Variants in CS observed in about 807,000 individuals in gnomAD.
The protein encoded by CS is citrate synthase, also known as citrate synthase, mitochondrial.
In CS, 13 loss-of-function variants were observed where a neutral mutation model predicts 61.4. The observed-to-expected ratio is 0.21, with a 90% CI of 0.14 to 0.34. The LOEUF (loss-of-function observed/expected upper bound fraction) is 0.34, where lower values mean the gene tolerates loss of function less well. Among genes scored for constraint, CS ranks in the 10% least tolerant of loss-of-function variants. CS has a pLI of 1.00. For missense variants in CS, 278 were observed against 573.4 expected (o/e 0.48, Z 5.26); for synonymous variants, 159 against 215.2 (o/e 0.74, Z 2.29).
intron 1 of CS, among the ~76,000 whole-genome samples, chr12:56,294,304 T>A (rs756994000): frequency 6.6e-6 from 1 of 151,632 alleles, no homozygotes; most frequent in Non-Finnish European, 1.5e-5. Context: ...TGAAACCCTG[T>A]CTCTACTAAA....
chr12:56,277,062 G>A (rs1287425711), intron 6 of CS, among the ~76,000 whole-genome samples: 6 of 151,992 alleles, frequency 3.9e-5, no homozygotes, highest in Non-Finnish European at 5.9e-5. Flanking sequence ...TCAGCCAGGC[G>A]TGGTGTGGGC....
intron 3 of CS, 101 bp downstream of exon 3, chr12:56,285,815 T>C: frequency 1.1e-6 from 1 of 941,342 alleles, no homozygotes; most frequent in Non-Finnish European, 1.7e-6. Flanking sequence ...CTACAGGGCC[T>C]ATGGGACAGA....
At chr12:56,277,701 G>A (rs1222642283) in intron 6 of CS, among the ~76,000 whole-genome samples, 3 of 147,998 alleles carry the variant, frequency 2.0e-5, no homozygotes, top group Non-Finnish European at 3.0e-5. Flanking sequence ...CGCGATCTCG[G>A]CTCACTGCAA....
intron 1 of CS, 192 bp downstream of exon 1, chr12:56,299,968 C>T (rs1336320601): frequency 3.7e-6 from 2 of 542,322 alleles, no homozygotes; most frequent in Non-Finnish European, 6.4e-6. Context: ...GTGCACTTCA[C>T]CCCCAGGAGC....
chr12:56,286,037 T>C lies in CS; in HGVS notation c.94-14A>G. On this transcript the variant is annotated splice_polypyrimidine_tract_variant and intron_variant, in intron 2 of 10. Transcript: ENST00000351328. ...GTCTTTCAAATTCTAAAAAGAAAAG[T>C]AGAAGGACTAAGCAATGGTCTAAAA... 1 of 1,590,730 alleles carries C rather than the reference T, an allele frequency of 6.3e-7. No homozygotes were observed. The highest frequency in any genetic ancestry group is 8.6e-7 in the Non-Finnish European group (1 of 1,158,594).
chr12:56,276,510 G>GT (rs1295906016), intron 6 of CS, among the ~76,000 whole-genome samples: 1 of 152,184 alleles, frequency 6.6e-6, no homozygotes, highest in Non-Finnish European at 1.5e-5. Flanking sequence ...AAGGCTCATA[G>GT]TATTAGGTTA....
At chr12:56,278,660 C>G (rs1447091636) in intron 6 of CS, among the ~76,000 whole-genome samples, 1 of 151,410 alleles carries the variant, frequency 6.6e-6, no homozygotes, top group Non-Finnish European at 1.5e-5. Context: ...TTGCTTGAAC[C>G]TGGGAGGCGG....
chr12:56,283,758 A>C (rs754336798), intron 4 of CS, 34 bp downstream of exon 4: 1 of 1,540,310 alleles, frequency 6.5e-7, no homozygotes, highest in East Asian at 2.2e-5. Flanking sequence ...CACAAACTCA[A>C]TGATTATTAG....
chr12:56,282,440 T>C lies in CS; in HGVS notation c.568A>G (p.Ser190Gly). The change falls in exon 6 of 11, where the codon AGC (serine) becomes GGC (glycine). Residue 190 changes from serine (S) to glycine (G), a missense_variant. By Grantham distance (56) the Ser-to-Gly change is moderately conservative (BLOSUM62 0). Transcript: ENST00000351328. Reference sequence around the variant, plus strand: ...CCTACCTCCCAGTACTTGGTTCGGCTGATACCCTGTGCATATGCTCGGGCA... The same window carrying C: ...CCTACCTCCCAGTACTTGGTTCGGCCGATACCCTGTGCATATGCTCGGGCA... ...NFARAYAQGI[S>G]RTKYWELIYE... 1 of 1,610,500 alleles carries C rather than the reference T, an allele frequency of 6.2e-7. No homozygotes were observed.
chr12:56,280,415 C>CAAAAAAAAAAAAA (rs1565620524), intron 6 of CS, among the ~76,000 whole-genome samples: 1 of 11,446 alleles, frequency 8.7e-5, no homozygotes, highest in African/African-American at 9.5e-5. Flanking sequence ...ACACCGTCTC[C>CAAAAAAAAAAAAA]CAAAAAAAAC....
chr12:56,285,569 T>C (rs1291250491), intron 3 of CS, among the ~76,000 whole-genome samples: 2 of 152,254 alleles, frequency 1.3e-5, no homozygotes. Context: ...ATAATAGGCA[T>C]GAGCCATTGC....
intron 6 of CS, among the ~76,000 whole-genome samples, chr12:56,281,742 G>C (rs183076099): frequency 1.3e-5 from 2 of 152,172 alleles, no homozygotes; most frequent in African/African-American, 4.8e-5. Context: ...CAAACTCCTG[G>C]CCTTAAGCAA....
intron 6 of CS, among the ~76,000 whole-genome samples, chr12:56,279,644 T>C (rs1295523534): frequency 6.6e-6 from 1 of 152,026 alleles, no homozygotes; most frequent in African/African-American, 2.4e-5. Flanking sequence ...CGGGTGCCTG[T>C]AGTCCCAACT....
chr12:56,284,335 A>AC (rs1565621519), intron 3 of CS, among the ~76,000 whole-genome samples: 2 of 150,460 alleles, frequency 1.3e-5, no homozygotes, highest in Non-Finnish European at 3.0e-5. Flanking sequence ...AAAAAAAAAA[A>AC]AAGAAAAAAA....
chr12:56,293,465 CCAA>C (rs1459985930), intron 1 of CS, among the ~76,000 whole-genome samples: 1 of 152,160 alleles, frequency 6.6e-6, no homozygotes, highest in Non-Finnish European at 1.5e-5. Flanking sequence ...GCCTGTAATC[CCAA>C]CACCTTGGGA....
At chr12:56,287,233 C>A (rs1327556067) in intron 1 of CS, among the ~76,000 whole-genome samples, 1 of 152,092 alleles carries the variant, frequency 6.6e-6, no homozygotes, top group Non-Finnish European at 1.5e-5. Context: ...GTAATCCCAG[C>A]ACTTTGGGAA....
chr12:56,281,732 C>CA (rs890567741), intron 6 of CS, among the ~76,000 whole-genome samples: 2 of 152,034 alleles, frequency 1.3e-5, no homozygotes, highest in African/African-American at 4.8e-5. Context: ...AGGCTGATCT[C>CA]AAACTCCTGG....
chr12:56,273,249 A>G lies in CS; in HGVS notation c.1236T>C (p.Tyr412=). ...DAHSGVLLQY[Y]GMTEMNYYTV... The stretch of plus-strand genomic sequence containing the variant: ...TGTAGTAATTCATCTCCGTCATGCC[A>G]TAATACTGTAAGGTAGAAGAGAAAA... Residue 412 remains tyrosine, a synonymous_variant, in exon 11 of 11, where the codon TAT becomes TAC. Coordinates refer to ENST00000351328, the MANE Select transcript of CS (RefSeq NM_004077.3). 6.2e-7 allele frequency: 1 copy of G among 1,614,074 alleles called. No individual in the cohort carries two copies. The highest frequency in any genetic ancestry group is 1.1e-5 in the South Asian group (1 of 91,060).
chr12:56,276,415 A>G (rs1872625046), intron 6 of CS, among the ~76,000 whole-genome samples: 1 of 152,194 alleles, frequency 6.6e-6, no homozygotes, highest in Non-Finnish European at 1.5e-5. Context: ...GATTTGTAAT[A>G]CTATCTAATG....
Sources: allele counts gnomAD v4.1 joint callset (sites outside exome capture counted in the v4.1 genomes callset), GRCh38; gene constraint gnomAD v4.1.1; transcripts MANE v1.5; gene names NCBI Gene and HGNC (gene_info 2026-07-23, HGNC 2026-07-21).